The following TTLL3 variants were observed in gnomAD, a reference collection of about 807,000 sequenced individuals.
The protein encoded by TTLL3 is tubulin monoglycylase TTLL3.
A neutral mutation model predicts 75.2 loss-of-function variants in TTLL3; 63 were observed. The observed-to-expected ratio is 0.84, with a 90% CI of 0.68 to 1.03. The LOEUF (loss-of-function observed/expected upper bound fraction) is 1.03, where lower values mean the gene tolerates loss of function less well. TTLL3 is among the 50% of genes least tolerant of loss of function. The probability of loss-of-function intolerance (pLI) is 0.00; values close to 1 mark genes in which losing one functional copy is unlikely to be tolerated. For missense variants in TTLL3, 997 were observed against 1,069.9 expected, an observed-to-expected ratio of 0.93 and a Z score of 0.95; for synonymous variants, 393 against 418.5, an observed-to-expected ratio of 0.94 and a Z score of 0.74.
In TTLL3 at chr3:9,834,229, T is replaced by C. The variant is rs900133215; in HGVS notation, c.1826-452T>C. 36 of 369,028 alleles carry C rather than the reference T, an allele frequency of 9.8e-5. 1 individual carries two copies. Among genetic ancestry groups the C allele is most frequent in the African/African-American group, 7.6e-4 (36 of 47,288 alleles). The allele number at this position is 369,028 out of a possible 1,614,324, so 22.9% of individuals were successfully genotyped here. A position where few individuals can be genotyped will look rare whatever the true frequency, so the allele number is the denominator to read the frequency against. On this transcript the variant is annotated intron_variant, in intron 12 of 13. Coordinates refer to ENST00000685419, the MANE Select transcript of TTLL3 (RefSeq NM_001387446.1). ...GACCTGATTTCAAAGATGCCAGGAC[T>C]TAAGCCCAGGTTGCTCTCTCCAGCG...
At chr3:9,821,637 G>T (rs191271055) in intron 8 of TTLL3, among the ~76,000 whole-genome samples, 1 of 152,326 alleles carries the variant, frequency 6.6e-6, no homozygotes, top group Admixed American at 6.5e-5. Flanking sequence ...TAAATGCCAG[G>T]ACATAACTCA....
At chr3:9,811,738 G>A (rs370892694) in intron 2 of TTLL3, among the ~76,000 whole-genome samples, 2 of 152,290 alleles carry the variant, frequency 1.3e-5, no homozygotes, top group African/African-American at 4.8e-5. Context: ...TACCTCCTCT[G>A]GGGCTTTCCC....
Position 9,835,091 on chromosome 3 carries a change from G to A in TTLL3, c.2053-3G>A, listed in dbSNP as rs369202286. Reference sequence around the variant, plus strand: ...CCCTCTTCTCCCCTCCTTTCACACCGAGGCTCCTGCTCTCCTGTGCCTCCG... The same window carrying A: ...CCCTCTTCTCCCCTCCTTTCACACCAAGGCTCCTGCTCTCCTGTGCCTCCG... On this transcript the variant is annotated splice_polypyrimidine_tract_variant and splice_region_variant and intron_variant, in intron 13 of 13. Transcript: ENST00000685419. 14 of 1,602,630 alleles carry A rather than the reference G, an allele frequency of 8.7e-6. No individual in the cohort carries two copies. The highest frequency in any genetic ancestry group is 5.4e-5 in the African/African-American group (4 of 74,560).
Position 9,835,187 on chromosome 3 carries a change from AGG to A in TTLL3, c.2147_2148del (p.Arg716IlefsTer12), listed in dbSNP as rs531165088. 1.6e-3 allele frequency: 2,618 copies of A among 1,614,178 alleles called. 24 individuals are homozygous for A. In the East Asian group the frequency reaches 0.022, roughly 14 times the overall value. On this transcript the variant is annotated frameshift_variant, in exon 14 of 14. Transcript: ENST00000685419. LOFTEE classifies it low-confidence loss of function (END_TRUNC). ...GGAACAATTCCTAGCACCTGTCGGA[AGG>A]TCAAGGCCAAAGGCAAATTCAAGGC... ...KSEQFLAPVG[R>X]SRPKANSRPD...
At chr3:9,833,478 C>G (rs1212325308) in intron 12 of TTLL3, among the ~76,000 whole-genome samples, 1 of 152,220 alleles carries the variant, frequency 6.6e-6, no homozygotes, top group Non-Finnish European at 1.5e-5. Context: ...CTAGTGGGGA[C>G]AGGCAACCCC....
intron 8 of TTLL3, among the ~76,000 whole-genome samples, chr3:9,821,848 T>C (rs977702629): frequency 2.6e-4 from 40 of 151,422 alleles, no homozygotes; most frequent in African/African-American, 9.7e-4. Context: ...ACTAAAAATA[T>C]GAAAATTAGC....
chr3:9,819,805 T>C, intron 7 of TTLL3: 1 of 985,466 alleles, frequency 1.0e-6, no homozygotes, highest in Middle Eastern at 5.2e-4. Context: ...GTCTCTTGTG[T>C]GTGTCATGCA....
In TTLL3 at chr3:9,810,326, A is replaced by T. The variant is rs1256246507; in HGVS notation, c.-110A>T. 1.4e-6 allele frequency: 2 copies of T among 1,464,568 alleles called. No homozygotes were observed. Among genetic ancestry groups the T allele is most frequent in the African/African-American group, 3.0e-5 (2 of 67,394 alleles). The allele number at this position is 1,464,568 out of a possible 1,614,324, so 90.7% of individuals were successfully genotyped here. On this transcript the variant is annotated 5_prime_UTR_variant, in exon 1 of 14. Transcript: ENST00000685419. The surrounding 1 kb of genome is among the most constrained non-coding windows in gnomAD (Gnocchi z 4.4). The stretch of plus-strand genomic sequence containing the variant: ...ACGCTGGTCCCAGGCACCCACGCCC[A>T]GGGCGCCTCGGATACCCACCCCCTC...
intron 11 of TTLL3, among the ~76,000 whole-genome samples, chr3:9,829,918 C>A (rs1032867312): frequency 3.3e-5 from 5 of 152,242 alleles, no homozygotes; most frequent in African/African-American, 9.6e-5. Context: ...TCTTGGCTCA[C>A]TGCAACCTCT....
intron 8 of TTLL3, among the ~76,000 whole-genome samples, chr3:9,824,821 A>G (rs1575395570): frequency 7.0e-6 from 1 of 141,912 alleles, no homozygotes. Flanking sequence ...GCTCACTGCA[A>G]CCTCCGCCTC....
In TTLL3 at chr3:9,810,729, C is replaced by A. The variant is rs943714230; in HGVS notation, c.48+20C>A. The A allele has an allele frequency of 3.2e-6, 5 of 1,573,934 alleles. No homozygotes were observed. In the East Asian group the frequency reaches 9.2e-5, roughly 29 times the overall value. On this transcript the variant is annotated intron_variant, in intron 2 of 13. Coordinates refer to ENST00000685419, the MANE Select transcript of TTLL3 (RefSeq NM_001387446.1). This position sits in a 1 kb window ranked among gnomAD's most constrained non-coding sequence, Gnocchi z 4.4. ...GTCAAGGTCAGAGGAGGGGCAGGGG[C>A]GCTTAGAAAGGGCCCTGGGAGCGGC... is the stretch of plus-strand genomic sequence containing the variant.
At chr3:9,822,400 A>G (rs2080530896) in intron 8 of TTLL3, among the ~76,000 whole-genome samples, 2 of 151,968 alleles carry the variant, frequency 1.3e-5, no homozygotes, top group African/African-American at 4.8e-5. Context: ...TGTGGGGGCA[A>G]GTTCTGGAGG....
chr3:9,820,658 C>T lies in TTLL3; in HGVS notation c.771C>T (p.Asp257=). The T allele has an allele frequency of 6.2e-7, 1 of 1,614,130 alleles. No homozygotes were observed. The highest frequency in any genetic ancestry group is 8.5e-7 in the Non-Finnish European group (1 of 1,179,998). ...ACCTTAGCAACTTGGCCCACATGGA[C>T]ATCGACAAGGACCTGGAGGCCCCGC... ...EEYLSNLAHM[D]IDKDLEAPLY... is the part of the protein sequence containing the mutation. Residue 257 remains aspartate, a synonymous_variant, in exon 8 of 14, where the codon GAC becomes GAT. Transcript: ENST00000685419.
At chr3:9,814,649 A>G (rs1472784871) in intron 4 of TTLL3, among the ~76,000 whole-genome samples, 1 of 150,094 alleles carries the variant, frequency 6.7e-6, no homozygotes, top group South Asian at 2.1e-4. Flanking sequence ...CTCTGTCTCA[A>G]AAATAAAATA....
At chr3:9,826,535 C>T (rs1405307654) in intron 9 of TTLL3, among the ~76,000 whole-genome samples, 2 of 152,016 alleles carry the variant, frequency 1.3e-5, no homozygotes, top group Non-Finnish European at 2.9e-5. Flanking sequence ...GAGTTGGAGA[C>T]CAGCCTGGCC....
At chr3:9,819,967 C>T in intron 7 of TTLL3, 1 of 986,598 alleles carries the variant, frequency 1.0e-6, no homozygotes, top group Non-Finnish European at 1.2e-6. Flanking sequence ...CTGCGATGTT[C>T]AGGGGTGAGT....
intron 12 of TTLL3, chr3:9,834,328 G>A (rs899696661): frequency 2.0e-6 from 1 of 502,618 alleles, no homozygotes; most frequent in Non-Finnish European, 3.9e-6. Flanking sequence ...ACTAACACAT[G>A]TCCAGCACTT....
chr3:9,835,452 C>T lies in TTLL3; in HGVS notation c.2411C>T (p.Ala804Val), dbSNP rs553100105. 30 of 1,609,634 alleles carry T rather than the reference C, an allele frequency of 1.9e-5. No individual in the cohort carries two copies. The highest frequency in any genetic ancestry group is 1.3e-4 in the Admixed American group (8 of 59,692). ...GTTGGAGGGTCAAGAGTGGATGGGG[C>T]GAGGCCGTGTACCCCAGGGTCCACA... ...IAVGGSRVDG[A>V]RPCTPGSTAR... is the part of the protein sequence containing the mutation. The change falls in exon 14 of 14, where the codon GCG becomes GTG. Residue 804 changes from alanine to valine, a missense_variant. Coordinates refer to ENST00000685419, the MANE Select transcript of TTLL3 (RefSeq NM_001387446.1).
chr3:9,817,816 C>T, intron 6 of TTLL3, 57 bp downstream of exon 6: 1 of 1,607,840 alleles, frequency 6.2e-7, no homozygotes, highest in Non-Finnish European at 8.5e-7. Context: ...AGGGCTGAAG[C>T]TCTGGCTCAT....
Sources: allele counts gnomAD v4.1 joint callset (sites outside exome capture counted in the v4.1 genomes callset), GRCh38; gene constraint gnomAD v4.1.1; non-coding constraint Gnocchi (gnomAD v3.1); transcripts MANE v1.5; gene names NCBI Gene and HGNC (gene_info 2026-07-23, HGNC 2026-07-21).